The following LCOR variants were observed in gnomAD, a reference collection of about 807,000 sequenced individuals.
The protein encoded by LCOR is ligand-dependent corepressor.
A neutral mutation model predicts 64.4 loss-of-function variants in LCOR; 14 were observed. That is an observed-to-expected ratio of 0.22 (90% CI 0.14 to 0.34). LCOR has a LOEUF of 0.34. Among genes scored for constraint, LCOR ranks in the 10% least tolerant of loss-of-function variants. The pLI is 1.00. For missense variants in LCOR, 1,686 were observed against 1,765.3 expected (o/e 0.96, Z 0.80); for synonymous variants, 643 against 642.5 (o/e 1.00, Z -0.01).
At position 96,982,093 on chromosome 10, in the gene LCOR, A is replaced by T; in HGVS notation, c.1633A>T (p.Thr545Ser). The T allele has an allele frequency of 6.2e-7, 1 of 1,614,154 alleles. No individual in the cohort carries two copies. ...ASEAVFTPKQ[T>S]LTIPAPRHTV... ...AGAGGCAGTTTTCACTCCTAAGCAG[A>T]CCCTTACAATTCCAGCCCCTAGACA... is the stretch of plus-strand genomic sequence containing the variant. The change falls in exon 8 of 8, where the codon ACC becomes TCC. Residue 545 changes from threonine (T) to serine (S), a missense_variant. Physicochemically the swap from Thr to Ser is moderately conservative, Grantham distance 58. This residue lies in a region of LCOR where 1,293 missense variants were observed against 1,410.4 expected (regional missense o/e 0.92). Coordinates refer to ENST00000421806, the MANE Select transcript of LCOR (RefSeq NM_001346516.2).
At chr10:96,899,652 TATTG>T (rs1350578686) in intron 2 of LCOR, among the ~76,000 whole-genome samples, 16 of 152,118 alleles carry the variant, frequency 1.1e-4, no homozygotes, top group African/African-American at 3.4e-4. Context: ...TCTCTGTAAA[TATTG>T]ATTAATAAAA....
At chr10:96,930,669 G>A (rs1192921919) in intron 4 of LCOR, among the ~76,000 whole-genome samples, 1 of 152,126 alleles carries the variant, frequency 6.6e-6, no homozygotes, top group Admixed American at 6.5e-5. Flanking sequence ...GCTTTGAATG[G>A]GTCCTCTCCA....
intron 7 of LCOR, chr10:96,959,720 G>A (rs1303718894): frequency 6.6e-6 from 1 of 152,142 alleles, no homozygotes; most frequent in Non-Finnish European, 1.5e-5. Flanking sequence ...TTATATTTGT[G>A]TATAATACTT....
At position 96,984,586 on chromosome 10, in the gene LCOR, G is replaced by A. The variant is rs1429791615; in HGVS notation, c.4126G>A (p.Glu1376Lys). 2 of 1,614,062 alleles carry A rather than the reference G, an allele frequency of 1.2e-6. No homozygotes were observed. Among genetic ancestry groups the A allele is most frequent in the Non-Finnish European group, 1.7e-6 (2 of 1,180,042 alleles). Residue 1376 changes from glutamate to lysine, a missense_variant, in exon 8 of 8, where the codon GAA becomes AAA. Physicochemically the swap from Glu to Lys is moderately conservative, Grantham distance 56 (BLOSUM62 1). Around this residue, in one of 3 missense-constraint regions of LCOR, gnomAD observed 1,293 missense variants for 1,410.4 expected, o/e 0.92. Coordinates refer to ENST00000421806, the MANE Select transcript of LCOR (RefSeq NM_001346516.2). ...GTTTCCTGTTAAGCCCAAGAGTACT[G>A]AAGGAATGAAGGGAAGGAAGGGGAA... ...DGFPVKPKSTEGMKGRKGKQV... is the reference protein window; with the variant it reads ...DGFPVKPKSTKGMKGRKGKQV...
intron 2 of LCOR, among the ~76,000 whole-genome samples, chr10:96,861,652 T>G (rs1205144157): frequency 6.6e-6 from 1 of 152,072 alleles, no homozygotes; most frequent in East Asian, 1.9e-4. Context: ...TTCAAGTGAT[T>G]CTCCTGCCTC....
At position 96,858,476 on chromosome 10, in the gene LCOR, G is replaced by A. The variant is rs546663684; in HGVS notation, c.-330+24997G>A. Among the ~76,000 whole-genome samples, 3 of 152,286 alleles carry A rather than the reference G, an allele frequency of 2.0e-5. No homozygotes were observed. The South Asian group carries it at 6.2e-4, about 32-fold the overall frequency. On this transcript the variant is annotated intron_variant, in intron 2 of 7. Coordinates refer to ENST00000421806, the MANE Select transcript of LCOR (RefSeq NM_001346516.2). ...ACAGGGTTACTTACTGACATACTAT[G>A]TGTGTGACACAGTTTGCTAGAGAAA...
In LCOR at chr10:96,920,684, ATG is replaced by A. The variant is rs1421813930; in HGVS notation, c.-184+12941_-184+12942del. Among the ~76,000 whole-genome samples the A allele has an allele frequency of 4.1e-5, 6 of 146,044 alleles. 1 individual carries two copies. The highest frequency in any genetic ancestry group is 1.6e-4 in the African/African-American group (6 of 38,154). ...TATGTATATATGTATATATTCATAT[ATG>A]TGTATATATGTTCATATATGTGTGT... On this transcript the variant is annotated intron_variant, in intron 4 of 7. Coordinates refer to ENST00000421806, the MANE Select transcript of LCOR (RefSeq NM_001346516.2).
chr10:96,950,858 G>A (rs1453216366), intron 6 of LCOR, among the ~76,000 whole-genome samples: 2 of 152,172 alleles, frequency 1.3e-5, no homozygotes, highest in East Asian at 1.9e-4. Flanking sequence ...AAAGTTGTAA[G>A]CAGTAGTACA....
At chr10:96,853,863 G>A (rs764036271) in intron 2 of LCOR, among the ~76,000 whole-genome samples, 25 of 152,094 alleles carry the variant, frequency 1.6e-4, no homozygotes, top group Non-Finnish European at 2.5e-4. Flanking sequence ...CTCTTCACAG[G>A]GCAGCAGGAG....
In LCOR at chr10:96,983,056, A is replaced by C. The variant is rs7894200; in HGVS notation, c.2596A>C (p.Thr866Pro). The change falls in exon 8 of 8, where the codon ACA (threonine) becomes CCA (proline). Residue 866 changes from threonine (T) to proline (P), a missense_variant. Thr to Pro is a conservative substitution (Grantham distance 38). Coordinates refer to ENST00000421806, the MANE Select transcript of LCOR (RefSeq NM_001346516.2). The surrounding 1 kb of genome is among the most constrained non-coding windows in gnomAD (Gnocchi z 4.5). ...AAAAGAAGGGCACCCTGGTGGGACAACACCTAAGGGCCTTCTACCTGACAG... is the reference window on the plus strand; with the variant it reads ...AAAAGAAGGGCACCCTGGTGGGACACCACCTAAGGGCCTTCTACCTGACAG... ...SKKEGHPGGT[T>P]PKGLLPDSFH... 0.01 allele frequency: 16,859 copies of C among 1,613,918 alleles called. 1,336 individuals are homozygous for C. In the African/African-American group the frequency reaches 0.18, roughly 17 times the overall value.
intron 4 of LCOR, among the ~76,000 whole-genome samples, chr10:96,940,875 C>T (rs1479424075): frequency 1.3e-5 from 2 of 150,332 alleles, no homozygotes; most frequent in Non-Finnish European, 1.5e-5. Context: ...GGGCTCCTCA[C>T]TTCCCAGTAG....
intron 4 of LCOR, among the ~76,000 whole-genome samples, chr10:96,931,737 T>C (rs1211180478): frequency 1.3e-5 from 2 of 152,198 alleles, no homozygotes; most frequent in Non-Finnish European, 2.9e-5. Context: ...TACAAACATA[T>C]GTAAATACAT....
chr10:96,862,888 T>C (rs150929392), intron 2 of LCOR, among the ~76,000 whole-genome samples: 88 of 152,026 alleles, frequency 5.8e-4, no homozygotes, highest in Non-Finnish European at 9.9e-4. Context: ...CTTTTCTTTT[T>C]TTTTTTTTTG....
intron 1 of LCOR, 146 bp downstream of exon 1, chr10:96,832,545 C>T (rs1186022843): frequency 4.9e-5 from 9 of 183,668 alleles, no homozygotes; most frequent in Admixed American, 6.6e-5. Flanking sequence ...CCCCACCCCC[C>T]GGAGTGTGAG....
intron 2 of LCOR, among the ~76,000 whole-genome samples, chr10:96,841,856 T>G (rs567755030): frequency 2.0e-5 from 3 of 151,850 alleles, no homozygotes; most frequent in African/African-American, 7.2e-5. Flanking sequence ...CACCTCAACG[T>G]CCCAAAGTGC....
At chr10:96,855,463 T>A (rs1001959397) in intron 2 of LCOR, among the ~76,000 whole-genome samples, 8 of 152,180 alleles carry the variant, frequency 5.3e-5, no homozygotes, top group African/African-American at 1.9e-4. Context: ...AGATGGAGTT[T>A]CGCTCTTGTT....
At chr10:96,920,774 ACACACACACACACACACGCG>A (rs1226087839) in intron 4 of LCOR, among the ~76,000 whole-genome samples, 2 of 125,298 alleles carry the variant, frequency 1.6e-5, no homozygotes, top group African/African-American at 8.1e-5. Flanking sequence ...ACACACACAC[ACACACACACACACACACGCG>A]CGGTGGGGGG....
chr10:96,966,246 T>TTTTTA (rs1847949530), intron 7 of LCOR, among the ~76,000 whole-genome samples: 1 of 138,456 alleles, frequency 7.2e-6, no homozygotes, highest in African/African-American at 2.8e-5. Context: ...TTTTTTTTTT[T>TTTTTA]GAGACGGAGT....
chr10:96,924,077 T>G (rs1847126046), intron 4 of LCOR, among the ~76,000 whole-genome samples: 1 of 152,186 alleles, frequency 6.6e-6, no homozygotes, highest in African/African-American at 2.4e-5. Context: ...CATCCTCAAA[T>G]CAGGTACCAG....
Sources: allele counts gnomAD v4.1 joint callset (sites outside exome capture counted in the v4.1 genomes callset), GRCh38; gene constraint gnomAD v4.1.1; regional missense constraint gnomAD v4.1.1; non-coding constraint Gnocchi (gnomAD v3.1); transcripts MANE v1.5; gene names NCBI Gene and HGNC (gene_info 2026-07-23, HGNC 2026-07-21).